Variants in ROBO2 observed in about 807,000 individuals in gnomAD.
ROBO2 encodes roundabout homolog 2.
A neutral mutation model predicts 160.8 loss-of-function variants in ROBO2; 53 were observed. That is an observed-to-expected ratio of 0.33 (90% confidence interval 0.26 to 0.41). The LOEUF is 0.41. Ranked by LOEUF, ROBO2 falls within the 10% of genes least tolerant of loss-of-function variation. ROBO2 has a pLI of 1.00. For synonymous variants in ROBO2, 664 were observed against 611.7 expected (o/e 1.09, Z -1.26); for missense variants, 1,577 against 1,722.4 (o/e 0.92, Z 1.49).
At chr3:76,465,083 C>T (rs1452687206) in intron 2 of ROBO2, among the ~76,000 whole-genome samples, 1 of 152,048 alleles carries the variant, frequency 6.6e-6, no homozygotes, top group Non-Finnish European at 1.5e-5. Flanking sequence ...ATGTTTGGCA[C>T]ACAGAATAAC....
intron 2 of ROBO2, among the ~76,000 whole-genome samples, chr3:76,396,177 T>A (rs2077436753): frequency 6.6e-6 from 1 of 151,966 alleles, no homozygotes; most frequent in Non-Finnish European, 1.5e-5. Context: ...TATATGCAAA[T>A]CAATAAATGT....
chr3:77,603,534 A>G (rs2094470756), intron 20 of ROBO2, among the ~76,000 whole-genome samples: 1 of 152,194 alleles, frequency 6.6e-6, no homozygotes, highest in Non-Finnish European at 1.5e-5. Flanking sequence ...ACTGCACTAT[A>G]CAAGAAAGTT....
chr3:76,785,206 G>A (rs1330113494), intron 2 of ROBO2, among the ~76,000 whole-genome samples: 4 of 151,142 alleles, frequency 2.6e-5, no homozygotes, highest in African/African-American at 9.7e-5. Context: ...TAAGATTAAA[G>A]TATTTCCATT....
chr3:77,022,006 A>G (rs2062667658), intron 2 of ROBO2, among the ~76,000 whole-genome samples: 1 of 152,146 alleles, frequency 6.6e-6, no homozygotes, highest in African/African-American at 2.4e-5. Context: ...TTTAGGAGGC[A>G]GAAGTGGGAG....
At chr3:76,941,974 A>G (rs1246570543) in intron 2 of ROBO2, among the ~76,000 whole-genome samples, 1 of 152,220 alleles carries the variant, frequency 6.6e-6, no homozygotes, top group Admixed American at 6.5e-5. Flanking sequence ...GTATTAAATG[A>G]ATGATACTTA....
At chr3:77,583,936 G>C (rs532683195) in intron 16 of ROBO2, among the ~76,000 whole-genome samples, 2 of 152,110 alleles carry the variant, frequency 1.3e-5, no homozygotes, top group African/African-American at 4.8e-5. Flanking sequence ...TTCAAGGCAT[G>C]ATCCTCTCCT....
chr3:77,626,909 G>T (rs2095039731), intron 23 of ROBO2, among the ~76,000 whole-genome samples: 1 of 152,136 alleles, frequency 6.6e-6, no homozygotes, highest in African/African-American at 2.4e-5. Flanking sequence ...GATCAGTATG[G>T]AAACAATGAA....
At chr3:76,556,965 T>A (rs2083834155) in intron 2 of ROBO2, among the ~76,000 whole-genome samples, 1 of 152,128 alleles carries the variant, frequency 6.6e-6, no homozygotes, top group African/African-American at 2.4e-5. Flanking sequence ...TTATTTAATT[T>A]ATCATATTTA....
At chr3:76,364,424 A>G (rs1413527603) in intron 2 of ROBO2, among the ~76,000 whole-genome samples, 3 of 152,032 alleles carry the variant, frequency 2.0e-5, no homozygotes, top group African/African-American at 7.2e-5. Flanking sequence ...GAAAGCAAGC[A>G]CTTCTTGTTC....
At chr3:76,038,509 A>G (rs1369618427) in intron 2 of ROBO2, among the ~76,000 whole-genome samples, 1 of 151,910 alleles carries the variant, frequency 6.6e-6, no homozygotes, top group Non-Finnish European at 1.5e-5. Flanking sequence ...TGACTGATCA[A>G]TATAGGGTTA....
intron 2 of ROBO2, among the ~76,000 whole-genome samples, chr3:77,134,637 G>A (rs2076129755): frequency 6.6e-6 from 1 of 152,136 alleles, no homozygotes; most frequent in Non-Finnish European, 1.5e-5. Flanking sequence ...ATCTTTACCT[G>A]TCAACACTTC....
At chr3:77,065,305 T>C (rs1473120896) in intron 1 of ROBO2, among the ~76,000 whole-genome samples, 4 of 152,218 alleles carry the variant, frequency 2.6e-5, no homozygotes, top group African/African-American at 9.6e-5. Context: ...CAGAAGTTGG[T>C]CAACAAAAGT....
intron 2 of ROBO2, among the ~76,000 whole-genome samples, chr3:77,248,717 G>T (rs917811270): frequency 2.0e-5 from 3 of 151,814 alleles, no homozygotes; most frequent in Non-Finnish European, 4.4e-5. Flanking sequence ...TCCAGGGCCT[G>T]TGCGCTCCAG....
intron 2 of ROBO2, among the ~76,000 whole-genome samples, chr3:76,446,066 A>C (rs2077165213): frequency 6.6e-6 from 1 of 152,116 alleles, no homozygotes; most frequent in African/African-American, 2.4e-5. Context: ...AAAGAAATAA[A>C]TGGTATTCAA....
chr3:77,074,064 A>G (rs1440681050), intron 1 of ROBO2, among the ~76,000 whole-genome samples: 1 of 152,234 alleles, frequency 6.6e-6, no homozygotes, highest in Non-Finnish European at 1.5e-5. Context: ...TGAATGTACA[A>G]ATGAAGACAT....
At chr3:76,265,766 C>CA in intron 2 of ROBO2, among the ~76,000 whole-genome samples, 1 of 152,096 alleles carries the variant, frequency 6.6e-6, no homozygotes, top group East Asian at 1.9e-4. Flanking sequence ...AAAGCAGTGC[C>CA]AAAAGAAATG....
intron 2 of ROBO2, among the ~76,000 whole-genome samples, chr3:77,200,671 C>G (rs1044087394): frequency 6.6e-6 from 1 of 151,996 alleles, no homozygotes; most frequent in Non-Finnish European, 1.5e-5. Context: ...CTTTCTTAGT[C>G]ACCATATGAC....
chr3:76,805,069 C>T (rs2064568277), intron 2 of ROBO2, among the ~76,000 whole-genome samples: 1 of 152,066 alleles, frequency 6.6e-6, no homozygotes, highest in Non-Finnish European at 1.5e-5. Flanking sequence ...TAAACATTTT[C>T]AATGCTCCAT....
chr3:77,475,166 C>A (rs1057455389), intron 2 of ROBO2, among the ~76,000 whole-genome samples: 2 of 152,038 alleles, frequency 1.3e-5, no homozygotes, highest in African/African-American at 2.4e-5. Context: ...GAGTACTATA[C>A]AAACCCCAAA....
Sources: allele counts gnomAD v4.1 joint callset (sites outside exome capture counted in the v4.1 genomes callset), GRCh38; gene constraint gnomAD v4.1.1; transcripts MANE v1.5; gene names NCBI Gene and HGNC (gene_info 2026-07-23, HGNC 2026-07-21).